CCDC60: variants seen among roughly 807,000 people sequenced by gnomAD.
The protein encoded by CCDC60 is coiled-coil domain-containing protein 60.
Under a neutral mutation model 63.5 loss-of-function variants are expected in CCDC60, and 54 were observed. That is an observed-to-expected ratio of 0.85 (90% CI 0.68 to 1.07). CCDC60 has a LOEUF of 1.07. Among genes scored for constraint, CCDC60 ranks in the 50% least tolerant of loss-of-function variants. The probability of loss-of-function intolerance (pLI) is 0.00; values close to 1 mark genes in which losing one functional copy is unlikely to be tolerated. For synonymous variants in CCDC60, 206 were observed against 238.8 expected (o/e 0.86, Z 1.27); for missense variants, 651 against 684.3 (o/e 0.95, Z 0.54).
intron 1 of CCDC60, among the ~76,000 whole-genome samples, chr12:119,375,559 G>A (rs1466508776): frequency 6.6e-6 from 1 of 152,138 alleles, no homozygotes; most frequent in Non-Finnish European, 1.5e-5. Context: ...ATGTGTCCAT[G>A]AGCCCCTCCC....
At chr12:119,382,220 T>G (rs1956014467) in intron 1 of CCDC60, among the ~76,000 whole-genome samples, 1 of 152,242 alleles carries the variant, frequency 6.6e-6, no homozygotes, top group African/African-American at 2.4e-5. Context: ...TCTCAAAACC[T>G]GCAAATGAGC....
intron 4 of CCDC60, among the ~76,000 whole-genome samples, chr12:119,485,047 G>A (rs1951403906): frequency 1.3e-5 from 2 of 152,220 alleles, no homozygotes; most frequent in Non-Finnish European, 1.5e-5. Flanking sequence ...GGAGATGAGA[G>A]CTGAAGCCCA....
chr12:119,423,549 T>C (rs1160670814), intron 1 of CCDC60, among the ~76,000 whole-genome samples: 2 of 152,174 alleles, frequency 1.3e-5, no homozygotes, highest in Non-Finnish European at 1.5e-5. Flanking sequence ...GGGCATTTCA[T>C]CCCTTCTCTC....
chr12:119,335,445 T>G (rs934310355), intron 1 of CCDC60, among the ~76,000 whole-genome samples, 179 bp downstream of exon 1: 1 of 151,332 alleles, frequency 6.6e-6, no homozygotes, highest in Non-Finnish European at 1.5e-5. Flanking sequence ...TTTCTCCACA[T>G]CCTCTCCAGC....
chr12:119,408,433 A>G (rs1365717373), intron 1 of CCDC60, among the ~76,000 whole-genome samples: 1 of 152,180 alleles, frequency 6.6e-6, no homozygotes, highest in Non-Finnish European at 1.5e-5. Flanking sequence ...TCCTGAGCTC[A>G]TACACTTGGC....
In CCDC60 at chr12:119,472,119, C is replaced by G; in HGVS notation, c.296C>G (p.Pro99Arg). The G allele has an allele frequency of 1.2e-6, 2 of 1,614,140 alleles. No homozygotes were observed. The highest frequency in any genetic ancestry group is 2.2e-5 in the East Asian group (1 of 44,894). Reference sequence around the variant, plus strand: ...GAGGAGGAAAGAAATAAATTCCAGCCAGCCGAAAAGATCTCAGAAATCCAC... The same window carrying G: ...GAGGAGGAAAGAAATAAATTCCAGCGAGCCGAAAAGATCTCAGAAATCCAC... ...LKEEERNKFQ[P>R]AEKISEIHYG... The change falls in exon 3 of 14, where the codon CCA becomes CGA. Residue 99 changes from proline to arginine, a missense_variant. Transcript: ENST00000327554.
At chr12:119,500,206 G>T in intron 6 of CCDC60, 38 bp downstream of exon 6, 1 of 1,354,892 alleles carries the variant, frequency 7.4e-7, no homozygotes, top group Non-Finnish European at 1.0e-6. Context: ...TTGGCTCCTA[G>T]GTCCCAGCTT....
intron 1 of CCDC60, among the ~76,000 whole-genome samples, chr12:119,419,469 T>C (rs892888706): frequency 4.6e-5 from 7 of 152,212 alleles, no homozygotes; most frequent in African/African-American, 1.4e-4. Context: ...TGTCCTGTCA[T>C]TGGTGATGCT....
chr12:119,531,071 C>T lies in CCDC60; in HGVS notation c.1551+8C>T. 1.2e-6 allele frequency: 2 copies of T among 1,610,434 alleles called. No individual in the cohort carries two copies. The highest frequency in any genetic ancestry group is 1.7e-6 in the Non-Finnish European group (2 of 1,177,338). ...ATCGCTGTGGCTATTGAGGTAAACA[C>T]CACCTCCTTCCCCTCCACAGTGTTT... On this transcript the variant is annotated splice_region_variant and intron_variant, in intron 13 of 13. Coordinates refer to ENST00000327554, the MANE Select transcript of CCDC60 (RefSeq NM_178499.5).
At chr12:119,503,175 A>G (rs1026413056) in intron 6 of CCDC60, among the ~76,000 whole-genome samples, 4 of 152,184 alleles carry the variant, frequency 2.6e-5, no homozygotes, top group Non-Finnish European at 5.9e-5. Flanking sequence ...AGACCCTGTC[A>G]AATAAAAATA....
At chr12:119,497,160 A>T (rs1461025102) in intron 5 of CCDC60, among the ~76,000 whole-genome samples, 7 of 152,160 alleles carry the variant, frequency 4.6e-5, no homozygotes, top group Non-Finnish European at 7.3e-5. Flanking sequence ...TTTTTGAACA[A>T]AGCAAGTCAC....
At chr12:119,368,526 A>G (rs118061800) in intron 1 of CCDC60, among the ~76,000 whole-genome samples, 8,691 of 152,058 alleles carry the variant, frequency 0.057, 305 homozygotes, top group Non-Finnish European at 0.071. Context: ...ACAGGGCGGT[A>G]CTCTCGGCCT....
chr12:119,398,440 C>A (rs936901157), intron 1 of CCDC60, among the ~76,000 whole-genome samples: 33 of 152,272 alleles, frequency 2.2e-4, no homozygotes, highest in Non-Finnish European at 4.1e-4. Context: ...TCCCCGCAAG[C>A]AGAGGGAACC....
chr12:119,480,878 TCATCATCACCAC>T (rs1338055248), intron 4 of CCDC60, among the ~76,000 whole-genome samples: 8 of 146,056 alleles, frequency 5.5e-5, no homozygotes, highest in East Asian at 2.1e-4. Context: ...ACCATCACCA[TCATCATCACCAC>T]CATCATCACC....
chr12:119,350,682 A>G (rs961663077), intron 1 of CCDC60, among the ~76,000 whole-genome samples: 1 of 152,160 alleles, frequency 6.6e-6, no homozygotes, highest in Non-Finnish European at 1.5e-5. Context: ...TGTTGGCTGA[A>G]GGTAATTTTT....
chr12:119,485,129 C>G (rs1273607519), intron 4 of CCDC60, among the ~76,000 whole-genome samples: 1 of 152,238 alleles, frequency 6.6e-6, no homozygotes, highest in East Asian at 1.9e-4. Context: ...AAGCACATCA[C>G]CTCACCCTCA....
chr12:119,511,569 G>T (rs1952215390), intron 7 of CCDC60, among the ~76,000 whole-genome samples: 1 of 152,092 alleles, frequency 6.6e-6, no homozygotes, highest in African/African-American at 2.4e-5. Flanking sequence ...ACAACAAAAA[G>T]ACTTCCTCTA....
intron 1 of CCDC60, among the ~76,000 whole-genome samples, chr12:119,348,271 A>C (rs1022830641): frequency 1.3e-4 from 20 of 152,198 alleles, no homozygotes; most frequent in South Asian, 4.2e-4. Context: ...TGGTGAGAGC[A>C]TTCTGCAGGG....
At chr12:119,445,091 G>A (rs1211416349) in intron 2 of CCDC60, among the ~76,000 whole-genome samples, 2 of 151,960 alleles carry the variant, frequency 1.3e-5, no homozygotes, top group African/African-American at 4.8e-5. Flanking sequence ...AAATATACCC[G>A]AACTTTATCT....
Sources: allele counts gnomAD v4.1 joint callset (sites outside exome capture counted in the v4.1 genomes callset), GRCh38; gene constraint gnomAD v4.1.1; transcripts MANE v1.5; gene names NCBI Gene and HGNC (gene_info 2026-07-23, HGNC 2026-07-21).